Variants in GGA3 observed in about 807,000 individuals in gnomAD.
GGA3 encodes the protein golgi associated, gamma adaptin ear containing, ARF binding protein 3.
Under a neutral mutation model 77.5 loss-of-function variants are expected in GGA3, and 57 were observed. That is an observed-to-expected ratio of 0.74 (90% CI 0.59 to 0.92). The LOEUF (loss-of-function observed/expected upper bound fraction) is 0.92. Among genes scored for constraint, GGA3 ranks in the 40% least tolerant of loss-of-function variants. The pLI, the probability that GGA3 is intolerant of heterozygous loss-of-function variation, is 0.00. For missense variants in GGA3, 970 were observed against 914.9 expected (o/e 1.06, Z -0.78); for synonymous variants, 416 against 383.7 (o/e 1.08, Z -0.98).
intron 1 of GGA3, among the ~76,000 whole-genome samples, chr17:75,254,575 C>T (rs931207585): frequency 2.6e-5 from 4 of 152,154 alleles, no homozygotes; most frequent in Non-Finnish European, 2.9e-5. Context: ...TCTCAATATA[C>T]GTTTTATTAC....
At chr17:75,262,360 T>A, upstream of GGA3, 1 of 947,592 alleles carries the variant, frequency 1.1e-6, no homozygotes, top group South Asian at 1.6e-5. Context: ...GCCTGAATTG[T>A]TGTGGCTCAG....
At chr17:75,241,315 G>A in intron 10 of GGA3, 85 bp downstream of exon 10, 7 of 910,312 alleles carry the variant, frequency 7.7e-6, no homozygotes, top group Middle Eastern at 3.3e-4. Flanking sequence ...ACACCACCAC[G>A]CTGGCCAGCC....
chr17:75,239,198 C>T (rs948976765), intron 14 of GGA3, 115 bp from the exon 15 acceptor site: 27 of 1,079,046 alleles, frequency 2.5e-5, no homozygotes, highest in Middle Eastern at 4.2e-4. Flanking sequence ...TGCTTCCTAA[C>T]GGAATCTGGG....
intron 1 of GGA3, among the ~76,000 whole-genome samples, chr17:75,250,232 A>G (rs1249497198): frequency 6.6e-6 from 1 of 152,000 alleles, no homozygotes; most frequent in Non-Finnish European, 1.5e-5. Context: ...TCCCCTATAG[A>G]CCTTGCCTTC....
intron 1 of GGA3, among the ~76,000 whole-genome samples, chr17:75,250,019 G>C (rs944070513): frequency 1.3e-5 from 2 of 152,196 alleles, no homozygotes; most frequent in African/African-American, 4.8e-5. Context: ...TTTCTGCAAT[G>C]GTCAGTTCCA....
At chr17:75,261,008 C>T (rs980939996) in intron 1 of GGA3, among the ~76,000 whole-genome samples, 4 of 152,208 alleles carry the variant, frequency 2.6e-5, no homozygotes, top group African/African-American at 7.2e-5. Context: ...TCTATCATCG[C>T]TCTCTTTGGA....
At chr17:75,240,295 T>C (rs375387280) in intron 12 of GGA3, 47 bp downstream of exon 12, 36 of 1,340,316 alleles carry the variant, frequency 2.7e-5, no homozygotes, top group Non-Finnish European at 3.6e-5. Context: ...CGCTGGAAAG[T>C]GGAGGTCCTT....
Position 75,240,340 on chromosome 17 carries a change from A to C in GGA3, c.1263+2T>G. 2 of 1,585,244 alleles carry C rather than the reference A, an allele frequency of 1.3e-6. No homozygotes were observed. Among genetic ancestry groups the C allele is most frequent in the Non-Finnish European group, 8.6e-7 (1 of 1,162,876 alleles). ...GTGCTGTCACCGATCCTGTGCCCCT[A>C]CCTGGAGCAGGTGCCACTGGCTGTT... On this transcript the variant is annotated splice_donor_variant, in intron 12 of 16. Transcript: ENST00000537686. LOFTEE classifies it high-confidence loss of function.
chr17:75,259,265 T>C (rs2077263785), intron 1 of GGA3, among the ~76,000 whole-genome samples: 1 of 152,060 alleles, frequency 6.6e-6, no homozygotes, highest in African/African-American at 2.4e-5. Context: ...ATCACCTCCA[T>C]CCAACTAAAG....
At position 75,237,758 on chromosome 17, in the gene GGA3, C is replaced by A; in HGVS notation, c.*521G>T. On this transcript the variant is annotated 3_prime_UTR_variant, in exon 17 of 17. Coordinates refer to ENST00000537686, the MANE Select transcript of GGA3 (RefSeq NM_138619.4). ...TGCCAGTTCCTTATTCTGGGCCAGG[C>A]ACCTTCCTGGGCCACCTCCCTGGGG... The A allele has an allele frequency of 7.0e-7, 1 of 1,431,252 alleles. No homozygotes were observed. The highest frequency in any genetic ancestry group is 1.5e-5 in the South Asian group (1 of 66,994). 88.7% of individuals were successfully genotyped at this position (1,431,252 alleles called of 1,614,324 possible).
rs1378951944 is a variant in GGA3, at chr17:75,239,818, G to A, written c.1554C>T (p.Ala518=). 6.2e-7 allele frequency: 1 copy of A among 1,613,852 alleles called. No homozygotes were observed. Among genetic ancestry groups the A allele is most frequent in the East Asian group, 2.2e-5 (1 of 44,878 alleles). ...TGGCCTCTTCTAGAAGCTGATCGAG[G>A]GCATCCAGGTGGTGCAGCGCGCTGT... The part of the protein sequence containing the change: ...LGNSALHHLD[A]LDQLLEEAKV... The change falls in exon 13 of 17, where the codon GCC becomes GCT. Residue 518 remains alanine, a synonymous_variant. Coordinates refer to ENST00000537686, the MANE Select transcript of GGA3 (RefSeq NM_138619.4).
At chr17:75,247,355 C>T (rs531522158) in intron 1 of GGA3, among the ~76,000 whole-genome samples, 5 of 152,062 alleles carry the variant, frequency 3.3e-5, no homozygotes, top group Admixed American at 2.0e-4. Flanking sequence ...CTCTGCCTCC[C>T]GGGTTCAAGT....
Position 75,238,350 on chromosome 17 carries a change from C to A in GGA3, c.2101G>T (p.Gly701Trp). The change falls in exon 17 of 17, where the codon GGG becomes TGG. Residue 701 changes from glycine to tryptophan, a missense_variant. Transcript: ENST00000537686. ...RLRYKLTFAL[G>W]EQLSTEVGEV... ...CCCACCTCTGTGCTCAGCTGCTCCC[C>A]CAGGGCGAAGGTCAGCTTATACCGA... 1 of 1,613,946 alleles carries A rather than the reference C, an allele frequency of 6.2e-7. No homozygotes were observed. Among genetic ancestry groups the A allele is most frequent in the Non-Finnish European group, 8.5e-7 (1 of 1,179,998 alleles).
At chr17:75,248,398 G>C (rs373683038) in intron 1 of GGA3, among the ~76,000 whole-genome samples, 39 of 145,524 alleles carry the variant, frequency 2.7e-4, no homozygotes, top group Non-Finnish European at 4.1e-4. Context: ...GCGAACCCGG[G>C]GGGTGGAGTC....
rs1311415735 is a variant in GGA3 at position 75,237,925 on chromosome 17, C to A, written c.*354G>T. On this transcript the variant is annotated 3_prime_UTR_variant, in exon 17 of 17. Transcript: ENST00000537686. ...AGTCTCTCTTTAGAGACTCCCACCCCCCACCCCCCACCCCAGTGGCTTCAG... is the reference window on the plus strand; with the variant it reads ...AGTCTCTCTTTAGAGACTCCCACCCACCACCCCCCACCCCAGTGGCTTCAG... 13 of 466,540 alleles carry A rather than the reference C, an allele frequency of 2.8e-5. No homozygotes were observed. The highest frequency in any genetic ancestry group is 3.8e-5 in the Non-Finnish European group (13 of 343,446). The allele number at this position is 466,540 out of a possible 1,614,324, so 28.9% of individuals were successfully genotyped here.
At chr17:75,259,721 C>A (rs961056013) in intron 1 of GGA3, among the ~76,000 whole-genome samples, 2 of 151,984 alleles carry the variant, frequency 1.3e-5, no homozygotes, top group African/African-American at 4.8e-5. Context: ...AGGACGCTGA[C>A]TGAGACGATG....
chr17:75,244,958 AC>A (rs570777628), intron 3 of GGA3, among the ~76,000 whole-genome samples: 68 of 151,536 alleles, frequency 4.5e-4, no homozygotes, highest in African/African-American at 1.6e-3. Flanking sequence ...AAAGCAAGAA[AC>A]CCCGAGACCC....
chr17:75,244,656 C>A lies in GGA3; in HGVS notation c.263G>T (p.Arg88Leu). 1 of 1,613,680 alleles carries A rather than the reference C, an allele frequency of 6.2e-7. No individual in the cohort carries two copies. The highest frequency in any genetic ancestry group is 8.5e-7 in the Non-Finnish European group (1 of 1,179,592). Reference sequence around the variant, plus strand: ...GACTTTGATTAACTCATTCAAAAAGCGGAACTTCCCCACTTCGTTATGAAA... The same window carrying A: ...GACTTTGATTAACTCATTCAAAAAGAGGAACTTCCCCACTTCGTTATGAAA... ...RRFHNEVGKF[R>L]FLNELIKVVS... The change falls in exon 4 of 17, where the codon CGC becomes CTC. Residue 88 changes from arginine to leucine, a missense_variant. Coordinates refer to ENST00000537686, the MANE Select transcript of GGA3 (RefSeq NM_138619.4).
chr17:75,238,400 G>C lies in GGA3; in HGVS notation c.2062-11C>G, dbSNP rs1192137603. The stretch of plus-strand genomic sequence containing the variant: ...AAGCCGCACCTTCTCCTGTGACAGA[G>C]GGCAGCAAGTGAGATCCAGCCCAGG... On this transcript the variant is annotated splice_polypyrimidine_tract_variant and intron_variant, in intron 16 of 16. Coordinates refer to ENST00000537686, the MANE Select transcript of GGA3 (RefSeq NM_138619.4). 9.9e-6 allele frequency: 16 copies of C among 1,611,298 alleles called. No individual in the cohort carries two copies. Among genetic ancestry groups the C allele is most frequent in the African/African-American group, 2.7e-5 (2 of 74,900 alleles).
Sources: gnomAD v4.1 joint callset for allele counts (sites outside exome capture counted in the v4.1 genomes callset) on GRCh38, gnomAD v4.1.1 for gene constraint, MANE v1.5 for transcripts, NCBI Gene and HGNC (gene_info 2026-07-23, HGNC 2026-07-21) for gene names.